Variants in PIK3R6 observed in about 807,000 individuals in gnomAD.
PIK3R6 encodes phosphoinositide-3-kinase regulatory subunit 6, also known as phosphoinositide 3-kinase regulatory subunit 6.
A neutral mutation model predicts 84.9 loss-of-function variants in PIK3R6; 91 were observed. That is an observed-to-expected ratio of 1.07 (90% CI 0.90 to 1.28). The LOEUF is 1.28. Among genes scored for constraint, PIK3R6 ranks in the 50% most tolerant of loss-of-function variants. The pLI, the probability that PIK3R6 is intolerant of heterozygous loss-of-function variation, is 0.00. For synonymous variants in PIK3R6, 416 were observed against 411.4 expected (o/e 1.01, Z -0.13); for missense variants, 996 against 985.1 (o/e 1.01, Z -0.15).
chr17:8,821,016 G>T (rs2087715147), intron 17 of PIK3R6, among the ~76,000 whole-genome samples: 1 of 152,174 alleles, frequency 6.6e-6, no homozygotes, highest in Non-Finnish European at 1.5e-5. Flanking sequence ...TAGAAATATT[G>T]ATCAAGTATC....
intron 1 of PIK3R6, among the ~76,000 whole-genome samples, chr17:8,865,971 A>C (rs532762873): frequency 2.4e-4 from 36 of 152,224 alleles, no homozygotes; most frequent in African/African-American, 8.2e-4. Flanking sequence ...GATGGCGATG[A>C]CTGCAGCTTG....
At chr17:8,820,112 ATT>A (rs550540929) in intron 17 of PIK3R6, among the ~76,000 whole-genome samples, 14 of 142,502 alleles carry the variant, frequency 9.8e-5, no homozygotes, top group Non-Finnish European at 1.1e-4. Context: ...ACACTGGCTA[ATT>A]TTTTTTTTTT....
At chr17:8,825,537 T>A (rs2087888957) in intron 13 of PIK3R6, among the ~76,000 whole-genome samples, 1 of 152,232 alleles carries the variant, frequency 6.6e-6, no homozygotes, top group African/African-American at 2.4e-5. Flanking sequence ...GTTAGTATCA[T>A]GTACTAAATA....
At chr17:8,841,720 A>G (rs2088683088) in intron 2 of PIK3R6, among the ~76,000 whole-genome samples, 1 of 151,976 alleles carries the variant, frequency 6.6e-6, no homozygotes, top group Admixed American at 6.6e-5. Flanking sequence ...AAAACCATGA[A>G]AGTGGTACAA....
chr17:8,819,084 G>A lies in PIK3R6; in HGVS notation c.1994C>T (p.Ser665Phe). 1 of 1,593,744 alleles carries A rather than the reference G, an allele frequency of 6.3e-7. No homozygotes were observed. The highest frequency in any genetic ancestry group is 1.3e-5 in the African/African-American group (1 of 74,736). ...KSSNLAGKSF[S>F]TVTNTFRTNN... ...TTTCCCAGTCTACTCAGTACTTACA[G>A]AGAAGGACTTTCCCGCCAAGTTGGA... Residue 665 changes from serine (S) to phenylalanine (F), a missense_variant and splice_region_variant, in exon 18 of 20, where the codon TCT becomes TTT. Ser to Phe is a radical substitution (Grantham distance 155). Coordinates refer to ENST00000619866, the MANE Select transcript of PIK3R6 (RefSeq NM_001010855.4).
rs1004266919 is a variant in PIK3R6 at position 8,823,480 on chromosome 17, T to C, written c.1533A>G (p.Thr511=). Residue 511 remains threonine, a synonymous_variant, in exon 14 of 20, where the codon ACA becomes ACG. Transcript: ENST00000619866. ...KLAEMPPSLD[T]SRTVDPFILD... ...GGATGAAGGGGTCCACAGTCCGGGA[T>C]GTGTCCAGGGAAGGAGGCTGTGATG... 89 of 1,611,736 alleles carry C rather than the reference T, an allele frequency of 5.5e-5. No individual in the cohort carries two copies. The highest frequency in any genetic ancestry group is 7.5e-5 in the Non-Finnish European group (88 of 1,178,088).
rs564645220 is a variant in PIK3R6 at position 8,832,196 on chromosome 17, C to A, written c.802+693G>T. ...ATTTAACCTCTTTCTAACTCAGTTT[C>A]GTCCTCTGTAAAATGGGGATAATAA... On this transcript the variant is annotated intron_variant, in intron 9 of 19. Coordinates refer to ENST00000619866, the MANE Select transcript of PIK3R6 (RefSeq NM_001010855.4). 3.9e-5 allele frequency among the ~76,000 whole-genome samples: 6 copies of A among 152,226 alleles called. No individual in the cohort carries two copies. The East Asian group carries it at 1.2e-3, about 29-fold the overall frequency.
chr17:8,846,948 A>C (rs185097882), intron 2 of PIK3R6, among the ~76,000 whole-genome samples: 239 of 152,268 alleles, frequency 1.6e-3, no homozygotes, highest in Non-Finnish European at 2.7e-3. Flanking sequence ...CCTTTCCACA[A>C]GAGGGAATAA....
chr17:8,855,028 A>C (rs1342933678), intron 1 of PIK3R6, among the ~76,000 whole-genome samples: 5 of 152,160 alleles, frequency 3.3e-5, no homozygotes, highest in Admixed American at 2.6e-4. Flanking sequence ...CCCCATTTCT[A>C]CTAAAAATAC....
chr17:8,854,286 C>T lies in PIK3R6; in HGVS notation c.-91-4401G>A, dbSNP rs112769687. On this transcript the variant is annotated intron_variant, in intron 1 of 19. Coordinates refer to ENST00000619866, the MANE Select transcript of PIK3R6 (RefSeq NM_001010855.4). ...GCTTCAGCCTCCCAGGTAGCTGGGA[C>T]TACAGGCACACGCCACCATGCCCAG... 1.4e-3 allele frequency among the ~76,000 whole-genome samples: 211 copies of T among 152,136 alleles called. 1 individual carries two copies. In the Middle Eastern group the frequency reaches 0.017, roughly 12 times the overall value.
intron 2 of PIK3R6, among the ~76,000 whole-genome samples, chr17:8,849,134 C>G (rs1040824352): frequency 1.3e-5 from 2 of 152,186 alleles, no homozygotes; most frequent in African/African-American, 2.4e-5. Context: ...TTGCCACTTA[C>G]TAGCTGTGTG....
intron 10 of PIK3R6, among the ~76,000 whole-genome samples, chr17:8,829,293 C>CAT (rs1567587438): frequency 1.0e-4 from 12 of 116,068 alleles, no homozygotes; most frequent in African/African-American, 2.1e-4. Flanking sequence ...ACGCATCATG[C>CAT]ATACACACAC....
rs1305709086 is a variant in PIK3R6, at chr17:8,828,108, T to A, written c.1392+4A>T. ...CCGCCACCGCCTCCCCGCGGTCCAG[T>A]CACCTCAGGCGCCAGCACGGGGATG... On this transcript the variant is annotated splice_donor_region_variant and intron_variant, in intron 12 of 19. Transcript: ENST00000619866. The A allele has an allele frequency of 1.9e-6, 3 of 1,613,596 alleles. No homozygotes were observed. Among genetic ancestry groups the A allele is most frequent in the Middle Eastern group, 3.3e-4 (2 of 6,072 alleles).
intron 18 of PIK3R6, among the ~76,000 whole-genome samples, chr17:8,811,791 T>C (rs893611509): frequency 6.7e-5 from 10 of 148,194 alleles, no homozygotes; most frequent in Non-Finnish European, 1.3e-4. Context: ...AAAAAGTCTC[T>C]AGGAAGTTCC....
In PIK3R6 at chr17:8,829,222, CACAG is replaced by C. The variant is rs543236024; in HGVS notation, c.890-236_890-233del. On this transcript the variant is annotated intron_variant, in intron 10 of 19. Transcript: ENST00000619866. ...ACACGTGCACACACACAGACACACA[CACAG>C]AGACACACTGAAACACATGCATGCA... Among the ~76,000 whole-genome samples, 473 of 150,632 alleles carry C rather than the reference CACAG, an allele frequency of 3.1e-3. 3 individuals are homozygous for C. Among genetic ancestry groups the C allele is most frequent in the African/African-American group, 0.011 (443 of 40,808 alleles).
In PIK3R6 at chr17:8,804,129, TC is replaced by T; in HGVS notation, c.2019del (p.Asn674ThrfsTer13). The T allele has an allele frequency of 6.2e-7, 1 of 1,614,034 alleles. No individual in the cohort carries two copies. Among genetic ancestry groups the T allele is most frequent in the Non-Finnish European group, 8.5e-7 (1 of 1,179,876 alleles). On this transcript the variant is annotated frameshift_variant, in exon 19 of 20. Transcript: ENST00000619866. LOFTEE classifies it high-confidence loss of function. The part of the protein sequence containing the change: ...SFSTVTNTFR[T>X]NNIQIQSRDQ... ...TCCCGGCTCTGGATCTGGATATTGT[TC>T]GTCCTGAAGGTGTTGGTCACTGTCT...
chr17:8,830,224 C>T (rs2088186117), intron 9 of PIK3R6, among the ~76,000 whole-genome samples: 1 of 152,206 alleles, frequency 6.6e-6, no homozygotes, highest in Non-Finnish European at 1.5e-5. Context: ...ATGCAGTAGA[C>T]ACTCAGTTAA....
Position 8,837,840 on chromosome 17 carries a change from A to G in PIK3R6, c.221T>C (p.Ile74Thr). The part of the protein sequence containing the change: ...AESQDLRHVI[I>T]PLLHTVMYVL... ...GTACATTACAGTGTGCAGCAAGGGA[A>G]TGATGACATGCCGGAGGTCCTGGCT... is the stretch of plus-strand genomic sequence containing the variant. Residue 74 changes from isoleucine to threonine, a missense_variant, in exon 5 of 20, where the codon ATT (isoleucine) becomes ACT (threonine). Transcript: ENST00000619866. The G allele has an allele frequency of 1.2e-6, 2 of 1,613,892 alleles. No individual in the cohort carries two copies. The highest frequency in any genetic ancestry group is 8.5e-7 in the Non-Finnish European group (1 of 1,179,796).
rs1567577955 is a variant in PIK3R6 at position 8,823,212 on chromosome 17, G to A, written c.1627-126C>T. ...AAGAAGACCTACTTCTTGGATTTGA[G>A]GTCTTGAAGTTAATAATGATCTGAT... On this transcript the variant is annotated intron_variant, in intron 14 of 19. Transcript: ENST00000619866. 5 of 846,560 alleles carry A rather than the reference G, an allele frequency of 5.9e-6. No homozygotes were observed. The South Asian group carries it at 8.1e-5, about 14-fold the overall frequency. The allele number at this position is 846,560 out of a possible 1,614,324, so 52.4% of individuals were successfully genotyped here.
Sources: gnomAD v4.1 joint callset for allele counts (sites outside exome capture counted in the v4.1 genomes callset) on GRCh38, gnomAD v4.1.1 for gene constraint, MANE v1.5 for transcripts, NCBI Gene and HGNC (gene_info 2026-07-23, HGNC 2026-07-21) for gene names.